Variants in SLC41A2 observed in about 807,000 individuals in gnomAD.
The protein encoded by SLC41A2 is solute carrier family 41 member 2, also known as SLC41A1-like 1.
A neutral mutation model predicts 58.3 loss-of-function variants in SLC41A2; 32 were observed. That is an observed-to-expected ratio of 0.55 (90% CI 0.41 to 0.74). The LOEUF (loss-of-function observed/expected upper bound fraction) is 0.74. Among genes scored for constraint, SLC41A2 ranks in the 30% least tolerant of loss-of-function variants. The pLI is 0.00. For synonymous variants in SLC41A2, 190 were observed against 235.0 expected (o/e 0.81, Z 1.75); for missense variants, 514 against 680.6 (o/e 0.76, Z 2.72).
intron 6 of SLC41A2, among the ~76,000 whole-genome samples, chr12:104,872,212 C>T (rs184987674): frequency 1.3e-5 from 2 of 152,148 alleles, no homozygotes; most frequent in East Asian, 3.9e-4. Context: ...GGTAAGTTTC[C>T]AACTGACTCC....
In SLC41A2 at chr12:104,805,337, C is replaced by T. The variant is rs770644705; in HGVS notation, c.1537G>A (p.Val513Ile). 2 of 1,611,548 alleles carry T rather than the reference C, an allele frequency of 1.2e-6. No individual in the cohort carries two copies. Among genetic ancestry groups the T allele is most frequent in the African/African-American group, 1.3e-5 (1 of 74,780 alleles). The change falls in exon 11 of 11, where the codon GTA becomes ATA. Residue 513 changes from valine to isoleucine, a missense_variant and splice_region_variant. Transcript: ENST00000258538. ...VVYLFGAVLQ[V>I]FTLLWIADWM... Reference sequence around the variant, plus strand: ...TCAGCAATCCACAGCAAGGTAAATACCTAGAAGAGAACAACAGAGATTACT... The same window carrying T: ...TCAGCAATCCACAGCAAGGTAAATATCTAGAAGAGAACAACAGAGATTACT...
chr12:104,857,837 AC>A (rs1451192354), intron 8 of SLC41A2, among the ~76,000 whole-genome samples: 2 of 116,868 alleles, frequency 1.7e-5, no homozygotes, highest in African/African-American at 6.6e-5. Context: ...AACATCACAC[AC>A]CGAGGCCTGT....
At chr12:104,895,250 TA>T in intron 4 of SLC41A2, 23 bp downstream of exon 4, 1 of 1,585,048 alleles carries the variant, frequency 6.3e-7, no homozygotes, top group Non-Finnish European at 8.7e-7. Flanking sequence ...CCAAGATCTG[TA>T]AACAAATATG....
intron 10 of SLC41A2, among the ~76,000 whole-genome samples, chr12:104,810,805 C>A (rs1312042343): frequency 6.6e-6 from 1 of 152,144 alleles, no homozygotes; most frequent in Non-Finnish European, 1.5e-5. Flanking sequence ...AAAGCTAAGG[C>A]AAAGTCCAAG....
At chr12:104,865,274 G>C (rs2043386649) in intron 7 of SLC41A2, among the ~76,000 whole-genome samples, 1 of 152,164 alleles carries the variant, frequency 6.6e-6, no homozygotes, top group Non-Finnish European at 1.5e-5. Context: ...CTTGCTATTT[G>C]TCACACAGTG....
At chr12:104,879,586 G>A (rs1012047417) in intron 6 of SLC41A2, among the ~76,000 whole-genome samples, 5 of 152,144 alleles carry the variant, frequency 3.3e-5, no homozygotes, top group African/African-American at 1.2e-4. Context: ...TGTCAGGTTT[G>A]TCAAAGATCA....
chr12:104,849,299 A>G (rs549109588), intron 8 of SLC41A2, among the ~76,000 whole-genome samples: 147 of 152,366 alleles, frequency 9.6e-4, no homozygotes, highest in African/African-American at 3.5e-3. Context: ...TATAATTGTC[A>G]AAGGACTACT....
chr12:104,809,652 T>G (rs1381591656), intron 10 of SLC41A2, among the ~76,000 whole-genome samples: 1 of 152,174 alleles, frequency 6.6e-6, no homozygotes. Flanking sequence ...AATCTGGATT[T>G]GATTTTCAGT....
In SLC41A2 at chr12:104,895,261, G is replaced by A. The variant is rs1293294316; in HGVS notation, c.735+13C>T. 2 of 1,601,348 alleles carry A rather than the reference G, an allele frequency of 1.2e-6. No homozygotes were observed. The highest frequency in any genetic ancestry group is 1.7e-5 in the Admixed American group (1 of 59,888). On this transcript the variant is annotated intron_variant, in intron 4 of 10. Transcript: ENST00000258538. ...ACACCCAAGATCTGTAAACAAATAT[G>A]TGTACCACTTACCTGCTTTAAAGCC...
chr12:104,803,496 A>T lies in SLC41A2; in HGVS notation c.*1656T>A, dbSNP rs1216437302. On this transcript the variant is annotated 3_prime_UTR_variant, in exon 11 of 11. Coordinates refer to ENST00000258538, the MANE Select transcript of SLC41A2 (RefSeq NM_001352171.3). ...CCTCATTTAAAAGAGCTTAACAAGA[A>T]TACTTTCTGCAATATATTTATAAAC... The T allele has an allele frequency of 6.6e-6, 1 of 152,192 alleles. No homozygotes were observed. Among genetic ancestry groups the T allele is most frequent in the Non-Finnish European group, 1.5e-5 (1 of 68,030 alleles). The allele number at this position is 152,192 out of a possible 1,614,324, so 9.4% of individuals were successfully genotyped here.
At chr12:104,825,934 G>T (rs2041828405) in intron 10 of SLC41A2, among the ~76,000 whole-genome samples, 1 of 152,160 alleles carries the variant, frequency 6.6e-6, no homozygotes, top group Non-Finnish European at 1.5e-5. Flanking sequence ...TATTCTCCAG[G>T]TTTTCTCTGC....
intron 3 of SLC41A2, among the ~76,000 whole-genome samples, chr12:104,908,623 G>A (rs1050375489): frequency 1.3e-5 from 2 of 152,204 alleles, no homozygotes; most frequent in African/African-American, 4.8e-5. Context: ...CAGGCAGATA[G>A]CTCATTGAAG....
At chr12:104,951,716 T>C (rs2047964797) in intron 1 of SLC41A2, among the ~76,000 whole-genome samples, 1 of 151,902 alleles carries the variant, frequency 6.6e-6, no homozygotes, top group African/African-American at 2.4e-5. Flanking sequence ...CTATTTTCTG[T>C]TGATTCTTCA....
chr12:104,922,419 A>T (rs953894698), intron 2 of SLC41A2, among the ~76,000 whole-genome samples: 2 of 152,170 alleles, frequency 1.3e-5, no homozygotes, highest in Non-Finnish European at 2.9e-5. Context: ...GTAAAAGAGA[A>T]AAAGAGACCA....
At chr12:104,915,217 A>G (rs570388521) in intron 2 of SLC41A2, among the ~76,000 whole-genome samples, 1 of 152,320 alleles carries the variant, frequency 6.6e-6, no homozygotes, top group East Asian at 1.9e-4. Context: ...ACATCTATAG[A>G]CTCCTAACTT....
Position 104,805,241 on chromosome 12 carries a change from A to T in SLC41A2, c.1633T>A (p.Leu545Met), listed in dbSNP as rs1329524552. ...AGAGCTGTCCCGAGCAGATCACCCA[A>T]TGCTGTTAGGTAGGGGATGGAGAAA... ...DSFSIPYLTA[L>M]GDLLGTALLA... The change falls in exon 11 of 11, where the codon TTG (leucine) becomes ATG (methionine). Residue 545 changes from leucine (L) to methionine (M), a missense_variant. Leu to Met is a conservative substitution (Grantham distance 15, BLOSUM62 2). Transcript: ENST00000258538. 2 of 1,613,824 alleles carry T rather than the reference A, an allele frequency of 1.2e-6. No homozygotes were observed. Among genetic ancestry groups the T allele is most frequent in the African/African-American group, 2.7e-5 (2 of 74,906 alleles).
chr12:104,937,138 A>G (rs1565916182), intron 1 of SLC41A2, among the ~76,000 whole-genome samples: 1 of 152,242 alleles, frequency 6.6e-6, no homozygotes, highest in Non-Finnish European at 1.5e-5. Flanking sequence ...AATTGAAACA[A>G]TGAAAAATTA....
intron 1 of SLC41A2, among the ~76,000 whole-genome samples, chr12:104,934,866 G>T (rs189338019): frequency 1.1e-3 from 173 of 152,270 alleles, no homozygotes; most frequent in African/African-American, 4.1e-3. Flanking sequence ...TACAATGGGC[G>T]GTGGGGAGGA....
At chr12:104,925,419 G>A (rs1161705995) in intron 2 of SLC41A2, among the ~76,000 whole-genome samples, 5 of 152,068 alleles carry the variant, frequency 3.3e-5, no homozygotes, top group Admixed American at 2.0e-4. Flanking sequence ...TTAGCCGGGC[G>A]CGGTGGCGGG....
Sources: gnomAD v4.1 joint callset for allele counts (sites outside exome capture counted in the v4.1 genomes callset) on GRCh38, gnomAD v4.1.1 for gene constraint, MANE v1.5 for transcripts, NCBI Gene and HGNC (gene_info 2026-07-23, HGNC 2026-07-21) for gene names.